Variants in CASK observed in about 807,000 individuals in gnomAD.
CASK encodes calcium/calmodulin dependent serine protein kinase.
A neutral mutation model predicts 82.9 loss-of-function variants in CASK; 4 were observed. That is an observed-to-expected ratio of 0.05 (90% CI 0.02 to 0.11). CASK has a LOEUF of 0.11. Among genes scored for constraint, CASK ranks in the 10% least tolerant of loss-of-function variants. CASK has a pLI of 1.00. For synonymous variants in CASK, 259 were observed against 253.5 expected (o/e 1.02, Z -0.20); for missense variants, 358 against 720.9 (o/e 0.50, Z 5.76).
At chrX:41,897,686 C>A (rs1247336225) in intron 1 of CASK, among the ~76,000 whole-genome samples, 1 of 110,886 alleles carries the variant, frequency 9.0e-6, no homozygotes, top group Non-Finnish European at 1.9e-5. Context: ...TTGAAAAAAA[C>A]CTAAAGACCA....
At chrX:41,742,707 G>C (rs1180190727) in intron 4 of CASK, among the ~76,000 whole-genome samples, 1 of 112,016 alleles carries the variant, frequency 8.9e-6, no homozygotes, top group Non-Finnish European at 1.9e-5. Context: ...AATCAGAGAG[G>C]ACGAAGAAAG....
intron 3 of CASK, among the ~76,000 whole-genome samples, chrX:41,760,321 T>C (rs754673633): frequency 9.0e-6 from 1 of 111,674 alleles, no homozygotes; most frequent in African/African-American, 3.3e-5. Context: ...CACAGAATCT[T>C]AGAACTGGAA....
intron 2 of CASK, among the ~76,000 whole-genome samples, chrX:41,807,881 G>A (rs2070160276): frequency 9.0e-6 from 1 of 111,577 alleles, no homozygotes; most frequent in Non-Finnish European, 1.9e-5. Context: ...TTGAGACGGA[G>A]TTTCACTCTT....
At chrX:41,579,643 G>A (rs1340593997) in intron 14 of CASK, among the ~76,000 whole-genome samples, 1 of 112,047 alleles carries the variant, frequency 8.9e-6, no homozygotes, top group Non-Finnish European at 1.9e-5. Context: ...ATTTTCTTAT[G>A]TGCTAACTAT....
At chrX:41,892,750 TA>T (rs935014037) in intron 1 of CASK, among the ~76,000 whole-genome samples, 10 of 111,752 alleles carry the variant, frequency 8.9e-5, no homozygotes, top group Non-Finnish European at 1.5e-4. Flanking sequence ...ACTCCATTCT[TA>T]AAAAAAATCT....
At chrX:41,528,758 A>T (rs2064751251) in intron 25 of CASK, among the ~76,000 whole-genome samples, 1 of 111,918 alleles carries the variant, frequency 8.9e-6, no homozygotes, top group Non-Finnish European at 1.9e-5. Context: ...TCCTAAGGAG[A>T]GAGCCTCCCT....
intron 2 of CASK, among the ~76,000 whole-genome samples, chrX:41,800,540 T>C (rs1426296305): frequency 9.1e-6 from 1 of 110,134 alleles, no homozygotes; most frequent in African/African-American, 3.3e-5. Flanking sequence ...TTAGGGTACA[T>C]GTGCACAATG....
intron 25 of CASK, 133 bp from the exon 26 acceptor site, chrX:41,524,167 A>G: frequency 2.0e-6 from 1 of 507,699 alleles, no homozygotes; most frequent in Non-Finnish European, 3.3e-6. Flanking sequence ...GCAAGGTATT[A>G]TTAAATTTAC....
Position 41,532,771 on chromosome X carries a change from C to A in CASK, c.2318-1562G>T, listed in dbSNP as rs1351803332. On this transcript the variant is annotated intron_variant, in intron 24 of 26. Coordinates refer to ENST00000378163, the MANE Select transcript of CASK (RefSeq NM_001367721.1). ...AAAATGTGGACATTTTAAGAGAAGC[C>A]CTTTCTCTAGGCACATCAAAAGCTG... Among the ~76,000 whole-genome samples the A allele has an allele frequency of 2.7e-5, 3 of 111,138 alleles. No individual in the cohort carries two copies. The South Asian group carries it at 1.1e-3, about 43-fold the overall frequency.
chrX:41,618,779 A>G (rs2066239998), intron 11 of CASK, among the ~76,000 whole-genome samples: 1 of 108,972 alleles, frequency 9.2e-6, no homozygotes, highest in African/African-American at 3.3e-5. Flanking sequence ...ATCCTCAGCA[A>G]TGCATCAGAA....
At chrX:41,673,840 T>G (rs1343594698) in intron 5 of CASK, among the ~76,000 whole-genome samples, 1 of 103,695 alleles carries the variant, frequency 9.6e-6, no homozygotes. Context: ...TTTTTTTTTT[T>G]TTTTTTTTTT....
chrX:41,665,580 C>T, intron 6 of CASK, 128 bp from the exon 7 acceptor site: 1 of 508,060 alleles, frequency 2.0e-6, no homozygotes, highest in Non-Finnish European at 3.3e-6. Context: ...CACCACTCCT[C>T]CACCTCTCCA....
At chrX:41,578,558 A>G in intron 14 of CASK, 30 bp from the exon 15 acceptor site, 2 of 987,132 alleles carry the variant, frequency 2.0e-6, no homozygotes, top group Middle Eastern at 2.7e-4. Context: ...AAAATTATTA[A>G]TAACATTACT....
intron 5 of CASK, among the ~76,000 whole-genome samples, chrX:41,732,167 C>T (rs1230907773): frequency 1.8e-5 from 2 of 110,741 alleles, no homozygotes; most frequent in East Asian, 5.6e-4. Context: ...CAGTCAAACA[C>T]AAATTTGGGG....
Position 41,685,268 on chromosome X carries a change from CAG to C in CASK, c.430-13740_430-13739del, listed in dbSNP as rs2067422786. The stretch of plus-strand genomic sequence containing the variant: ...AGGTTCTAAAGTACAAACTGTAAAA[CAG>C]ATACTATTCAGAGAGGTCTAGCTTT... On this transcript the variant is annotated intron_variant, in intron 5 of 26. Coordinates refer to ENST00000378163, the MANE Select transcript of CASK (RefSeq NM_001367721.1). Among the ~76,000 whole-genome samples the C allele has an allele frequency of 4.5e-5, 5 of 111,730 alleles. No homozygotes were observed. The Admixed American group carries it at 4.8e-4, about 11-fold the overall frequency.
intron 12 of CASK, among the ~76,000 whole-genome samples, chrX:41,606,192 G>A (rs778516876): frequency 1.8e-5 from 2 of 112,538 alleles, no homozygotes; most frequent in South Asian, 3.6e-4. Flanking sequence ...GGGATGTAGG[G>A]TATGAGGGCA....
At chrX:41,675,202 A>G (rs1569387382) in intron 5 of CASK, among the ~76,000 whole-genome samples, 1 of 112,499 alleles carries the variant, frequency 8.9e-6, no homozygotes, top group African/African-American at 3.2e-5. Flanking sequence ...AATGGGTCAC[A>G]ACTTTGTCTA....
intron 5 of CASK, among the ~76,000 whole-genome samples, chrX:41,680,335 T>A (rs2067330171): frequency 1.9e-5 from 2 of 106,770 alleles, no homozygotes; most frequent in East Asian, 3.0e-4. Flanking sequence ...TACAAAAATT[T>A]GCTGGGCGTG....
At chrX:41,597,005 AAT>A (rs2065831675) in intron 12 of CASK, among the ~76,000 whole-genome samples, 1 of 112,610 alleles carries the variant, frequency 8.9e-6, no homozygotes, top group Non-Finnish European at 1.9e-5. Flanking sequence ...AAAATCAGTT[AAT>A]ATGTCACCTT....
Sources: allele counts gnomAD v4.1 joint callset (sites outside exome capture counted in the v4.1 genomes callset), GRCh38; gene constraint gnomAD v4.1.1; transcripts MANE v1.5; gene names NCBI Gene and HGNC (gene_info 2026-07-23, HGNC 2026-07-21).